Variants in IMMP2L observed in about 807,000 individuals in gnomAD.
IMMP2L encodes inner mitochondrial membrane peptidase subunit 2, also known as mitochondrial inner membrane protease subunit 2.
IMMP2L carries 18 observed loss-of-function variants against 19.3 expected under a neutral mutation model. The observed-to-expected ratio is 0.93, with a 90% CI of 0.64 to 1.38. The LOEUF is 1.38. Among genes scored for constraint, IMMP2L ranks in the 40% most tolerant of loss-of-function variants. The pLI, the probability that IMMP2L is intolerant of heterozygous loss-of-function variation, is 0.00. For synonymous variants in IMMP2L, 76 were observed against 73.0 expected, an observed-to-expected ratio of 1.04 and a Z score of -0.21; for missense variants, 233 against 218.2, an observed-to-expected ratio of 1.07 and a Z score of -0.43.
chr7:110,936,025 T>G (rs1324082229), intron 4 of IMMP2L, among the ~76,000 whole-genome samples: 1 of 152,164 alleles, frequency 6.6e-6, no homozygotes, highest in Non-Finnish European at 1.5e-5. Flanking sequence ...GACCCCTTCC[T>G]TACAACTTAT....
intron 3 of IMMP2L, among the ~76,000 whole-genome samples, chr7:111,194,596 C>T (rs773996427): frequency 1.3e-5 from 2 of 151,220 alleles, no homozygotes; most frequent in African/African-American, 2.5e-5. Flanking sequence ...CCCCAGTCCA[C>T]AACAAGTACT....
chr7:110,958,173 A>G (rs1255194466), intron 4 of IMMP2L, among the ~76,000 whole-genome samples: 1 of 152,060 alleles, frequency 6.6e-6, no homozygotes, highest in Non-Finnish European at 1.5e-5. Context: ...TGAACTTTAA[A>G]TCAATTTTCT....
At chr7:111,203,605 C>A (rs1586814347) in intron 3 of IMMP2L, among the ~76,000 whole-genome samples, 1 of 141,886 alleles carries the variant, frequency 7.0e-6, no homozygotes. Context: ...ACTGAAGGAC[C>A]AAAGAAACCC....
intron 2 of IMMP2L, among the ~76,000 whole-genome samples, chr7:111,488,956 G>A (rs1842873402): frequency 6.6e-6 from 1 of 150,486 alleles, no homozygotes; most frequent in Non-Finnish European, 1.5e-5. Context: ...GATAATTAAA[G>A]ATGTTGAAGA....
At chr7:110,837,075 G>A (rs1804555396) in intron 5 of IMMP2L, among the ~76,000 whole-genome samples, 1 of 152,100 alleles carries the variant, frequency 6.6e-6, no homozygotes, top group Non-Finnish European at 1.5e-5. Flanking sequence ...GTTTATTGCT[G>A]TTAGTAATGG....
At chr7:111,484,452 T>C (rs1381621147) in intron 3 of IMMP2L, among the ~76,000 whole-genome samples, 3 of 152,096 alleles carry the variant, frequency 2.0e-5, no homozygotes, top group African/African-American at 7.2e-5. Context: ...AGATTACTTA[T>C]TTATCAATGA....
intron 3 of IMMP2L, among the ~76,000 whole-genome samples, chr7:111,255,178 C>T (rs1440581075): frequency 5.3e-5 from 8 of 151,790 alleles, no homozygotes; most frequent in Non-Finnish European, 1.0e-4. Context: ...AACTGTGCAC[C>T]AATCCTTGGA....
At chr7:111,375,197 G>T (rs998392902) in intron 3 of IMMP2L, among the ~76,000 whole-genome samples, 2 of 152,014 alleles carry the variant, frequency 1.3e-5, no homozygotes, top group African/African-American at 4.8e-5. Flanking sequence ...CAGGCTTGTT[G>T]AGTGTTGCTA....
At chr7:110,876,655 C>CAA (rs1809097196) in intron 5 of IMMP2L, among the ~76,000 whole-genome samples, 1 of 152,138 alleles carries the variant, frequency 6.6e-6, no homozygotes, top group African/African-American at 2.4e-5. Context: ...CCTAAGGACT[C>CAA]TTATGAGTCA....
chr7:110,752,764 A>G (rs1797802379), intron 5 of IMMP2L, among the ~76,000 whole-genome samples: 1 of 152,084 alleles, frequency 6.6e-6, no homozygotes, highest in Admixed American at 6.6e-5. Context: ...AGCTTGCCTA[A>G]AAGAAGAGGT....
chr7:111,080,214 T>C lies in IMMP2L; in HGVS notation c.240-116649A>G, dbSNP rs538883626. Among the ~76,000 whole-genome samples, 3 of 152,322 alleles carry C rather than the reference T, an allele frequency of 2.0e-5. No individual in the cohort carries two copies. In the South Asian group the frequency reaches 6.2e-4, roughly 32 times the overall value. On this transcript the variant is annotated intron_variant, in intron 3 of 5. Transcript: ENST00000405709. ...TGTTACAGTGGACTGCAGATCTTAT[T>C]GCTGCAGGCAGAAACAGAATTATAA...
intron 5 of IMMP2L, among the ~76,000 whole-genome samples, chr7:110,771,328 T>C (rs1799017704): frequency 6.6e-6 from 1 of 152,110 alleles, no homozygotes; most frequent in Non-Finnish European, 1.5e-5. Flanking sequence ...TACAGGTTGA[T>C]GCCTCTAATC....
intron 5 of IMMP2L, among the ~76,000 whole-genome samples, chr7:110,684,190 A>G (rs934953000): frequency 3.9e-5 from 6 of 152,156 alleles, no homozygotes; most frequent in African/African-American, 9.7e-5. Flanking sequence ...GAAATTCCTC[A>G]TGGCTAACTA....
At chr7:110,839,300 C>G (rs1279579293) in intron 5 of IMMP2L, among the ~76,000 whole-genome samples, 5 of 151,944 alleles carry the variant, frequency 3.3e-5, no homozygotes, top group Non-Finnish European at 5.9e-5. Context: ...AAATGATATT[C>G]ATTAGGATTT....
At chr7:111,519,758 C>G (rs1846176746) in intron 2 of IMMP2L, among the ~76,000 whole-genome samples, 1 of 151,986 alleles carries the variant, frequency 6.6e-6, no homozygotes, top group East Asian at 1.9e-4. Context: ...ATTATGATTG[C>G]CACATGATCC....
At chr7:111,540,195 G>A (rs1020293675) in intron 1 of IMMP2L, among the ~76,000 whole-genome samples, 6 of 152,046 alleles carry the variant, frequency 3.9e-5, no homozygotes, top group East Asian at 1.9e-4. Flanking sequence ...AGCTATTTTC[G>A]CAATCTAGAA....
intron 3 of IMMP2L, among the ~76,000 whole-genome samples, chr7:111,069,171 G>T (rs1794749331): frequency 6.6e-6 from 1 of 152,184 alleles, no homozygotes; most frequent in African/African-American, 2.4e-5. Context: ...AAAGCAAACA[G>T]ATTCCTTCCT....
At position 111,531,247 on chromosome 7, in the gene IMMP2L, G is replaced by T. The variant is rs560439463; in HGVS notation, c.-2-9798C>A. On this transcript the variant is annotated intron_variant, in intron 1 of 5. Transcript: ENST00000405709. The stretch of plus-strand genomic sequence containing the variant: ...TGGGATTACAGGCATGAGCCACTGC[G>T]TCCGGCCTGAATACGAATTTTTCTT... 3.3e-5 allele frequency among the ~76,000 whole-genome samples: 5 copies of T among 151,610 alleles called. No individual in the cohort carries two copies. The East Asian group carries it at 9.7e-4, about 29-fold the overall frequency.
intron 3 of IMMP2L, among the ~76,000 whole-genome samples, chr7:111,167,616 G>A (rs192398961): frequency 9.1e-4 from 139 of 151,916 alleles, no homozygotes; most frequent in African/African-American, 3.3e-3. Context: ...GTGTATTGAC[G>A]AACATGCTTC....
Sources: allele counts gnomAD v4.1 joint callset (sites outside exome capture counted in the v4.1 genomes callset), GRCh38; gene constraint gnomAD v4.1.1; transcripts MANE v1.5; gene names NCBI Gene and HGNC (gene_info 2026-07-23, HGNC 2026-07-21).